The following MSI2 variants were observed in gnomAD, a reference collection of about 807,000 sequenced individuals.
The protein encoded by MSI2 is RNA-binding protein Musashi homolog 2.
A neutral mutation model predicts 45.6 loss-of-function variants in MSI2; 17 were observed. That is an observed-to-expected ratio of 0.37 (90% CI 0.26 to 0.56). The LOEUF (loss-of-function observed/expected upper bound fraction) is 0.56. MSI2 is among the 20% of genes least tolerant of loss of function. The pLI, the probability that MSI2 is intolerant of heterozygous loss-of-function variation, is 0.77. For missense variants in MSI2, 293 were observed against 444.2 expected (o/e 0.66, Z 3.06); for synonymous variants, 156 against 158.2 (o/e 0.99, Z 0.11).
At chr17:57,677,768 T>C (rs1213264497) in intron 13 of MSI2, among the ~76,000 whole-genome samples, 1 of 152,122 alleles carries the variant, frequency 6.6e-6, no homozygotes, top group Non-Finnish European at 1.5e-5. Flanking sequence ...TTCAATCACT[T>C]TGATGGGGAT....
At chr17:57,304,552 A>G (rs922072822) in intron 5 of MSI2, among the ~76,000 whole-genome samples, 3 of 150,530 alleles carry the variant, frequency 2.0e-5, no homozygotes, top group African/African-American at 7.3e-5. Flanking sequence ...CCTCCCGAGT[A>G]GCTGGGACTA....
intron 8 of MSI2, among the ~76,000 whole-genome samples, chr17:57,597,855 C>T (rs1905410653): frequency 6.6e-6 from 1 of 152,190 alleles, no homozygotes; most frequent in Admixed American, 6.5e-5. Flanking sequence ...CCTCCCTTGC[C>T]ATCAATTAAT....
Position 57,314,232 on chromosome 17 carries a change from C to A in MSI2, c.312+52040C>A, listed in dbSNP as rs142002550. On this transcript the variant is annotated intron_variant, in intron 5 of 13. Coordinates refer to ENST00000284073, the MANE Select transcript of MSI2 (RefSeq NM_138962.4). ...TTGGATTAGGGCCCACCCTAATGAT[C>A]CTATTTTAATTTAATTACCTCTGTC... 4.8e-3 allele frequency among the ~76,000 whole-genome samples: 730 copies of A among 152,196 alleles called. 5 individuals carry two copies. The highest frequency in any genetic ancestry group is 7.2e-3 in the Non-Finnish European group (491 of 68,010).
rs1242815685 is a variant in MSI2, at chr17:57,280,302, C to G, written c.312+18110C>G. The stretch of plus-strand genomic sequence containing the variant: ...TCAGGTTTGCGTTTTGAAAATATCT[C>G]TCTGACAGTCTACACGAAAAGTGGC... On this transcript the variant is annotated intron_variant, in intron 5 of 13. Coordinates refer to ENST00000284073, the MANE Select transcript of MSI2 (RefSeq NM_138962.4). The surrounding 1 kb of genome is among the most constrained non-coding windows in gnomAD (Gnocchi z 4.2). 1.3e-5 allele frequency among the ~76,000 whole-genome samples: 2 copies of G among 152,184 alleles called. No individual in the cohort carries two copies. The highest frequency in any genetic ancestry group is 4.8e-5 in the African/African-American group (2 of 41,428).
intron 10 of MSI2, among the ~76,000 whole-genome samples, chr17:57,647,366 T>C (rs1910754074): frequency 6.7e-6 from 1 of 150,180 alleles, no homozygotes; most frequent in Middle Eastern, 3.4e-3. Flanking sequence ...TGAGAATTGC[T>C]TGAACCCTGG....
intron 5 of MSI2, chr17:57,365,108 C>T (rs1488500628): frequency 2.6e-5 from 4 of 152,198 alleles, no homozygotes; most frequent in Non-Finnish European, 5.9e-5. Context: ...TATTTGCGAT[C>T]TCCAAACATC....
intron 7 of MSI2, among the ~76,000 whole-genome samples, chr17:57,568,759 G>A (rs2087800691): frequency 2.0e-5 from 3 of 152,368 alleles, no homozygotes; most frequent in Non-Finnish European, 4.4e-5. Flanking sequence ...TTCAACCAAA[G>A]GAGGGGAGTA....
At chr17:57,459,843 A>C (rs1255045238) in intron 6 of MSI2, among the ~76,000 whole-genome samples, 1 of 151,942 alleles carries the variant, frequency 6.6e-6, no homozygotes, top group Non-Finnish European at 1.5e-5. Flanking sequence ...AAAATTAAAA[A>C]ATTAGCCGGG....
At chr17:57,639,216 A>G (rs561534909) in intron 10 of MSI2, among the ~76,000 whole-genome samples, 6 of 152,226 alleles carry the variant, frequency 3.9e-5, no homozygotes, top group African/African-American at 1.2e-4. Context: ...CATTCAGACC[A>G]TAGCGGGCAA....
chr17:57,595,881 C>G (rs7217993), intron 7 of MSI2, among the ~76,000 whole-genome samples: 52,736 of 152,120 alleles, frequency 0.35, 9,373 homozygotes, highest in Admixed American at 0.39. Context: ...TCAGAGAGGG[C>G]AAGGGGCTCC....
Position 57,681,911 on chromosome 17 carries a change from T to C in MSI2, c.*2394T>C, listed in dbSNP as rs1380769690. The C allele has an allele frequency of 4.8e-6, 1 of 208,596 alleles. No individual in the cohort carries two copies. The allele number at this position is 208,596 out of a possible 1,614,324, so 12.9% of individuals were successfully genotyped here. A position where few individuals can be genotyped will look rare whatever the true frequency, so the allele number is the denominator to read the frequency against. On this transcript the variant is annotated 3_prime_UTR_variant, in exon 14 of 14. Coordinates refer to ENST00000284073, the MANE Select transcript of MSI2 (RefSeq NM_138962.4). Reference sequence around the variant, plus strand: ...ATTCCTATTTTGTCCATGTTGGTGATGTACTGTACTTCCCTTCCTTTTCTC... The same window carrying C: ...ATTCCTATTTTGTCCATGTTGGTGACGTACTGTACTTCCCTTCCTTTTCTC...
At chr17:57,667,714 C>T (rs1217677570) in intron 11 of MSI2, among the ~76,000 whole-genome samples, 1 of 152,218 alleles carries the variant, frequency 6.6e-6, no homozygotes, top group Non-Finnish European at 1.5e-5. Flanking sequence ...AGCCTGGTTT[C>T]TCTGGCCACA....
intron 11 of MSI2, among the ~76,000 whole-genome samples, chr17:57,673,631 A>T (rs1383802502): frequency 6.6e-6 from 1 of 152,216 alleles, no homozygotes; most frequent in Non-Finnish European, 1.5e-5. Flanking sequence ...TAAACTACTA[A>T]GGAGAAATAA....
chr17:57,376,951 C>T lies in MSI2; in HGVS notation c.313-24428C>T, dbSNP rs544893306. Among the ~76,000 whole-genome samples, 34 of 142,186 alleles carry T rather than the reference C, an allele frequency of 2.4e-4. 2 individuals are homozygous for T. In the South Asian group the frequency reaches 7.8e-3, roughly 33 times the overall value. 93.3% of individuals were successfully genotyped at this position (142,186 alleles called of 152,430 possible). A position where few individuals can be genotyped will look rare whatever the true frequency, so the allele number is the denominator to read the frequency against. Reference sequence around the variant, plus strand: ...TTTTTTTTTTTTTGAGACGGAGTCTCGCTCTGTCCCCCAGGCTGGAGGGCA... The same window carrying T: ...TTTTTTTTTTTTTGAGACGGAGTCTTGCTCTGTCCCCCAGGCTGGAGGGCA... On this transcript the variant is annotated intron_variant, in intron 5 of 13. Coordinates refer to ENST00000284073, the MANE Select transcript of MSI2 (RefSeq NM_138962.4).
chr17:57,318,225 G>A (rs553907211), intron 5 of MSI2, among the ~76,000 whole-genome samples: 18 of 152,198 alleles, frequency 1.2e-4, no homozygotes, highest in South Asian at 8.3e-4. Flanking sequence ...AGGTGGGCAG[G>A]TGTGAGCATG....
chr17:57,394,785 C>G (rs936529017), intron 5 of MSI2, among the ~76,000 whole-genome samples: 1 of 152,184 alleles, frequency 6.6e-6, no homozygotes, highest in Non-Finnish European at 1.5e-5. Context: ...CCTCTTCCCC[C>G]ATAATTGATA....
intron 7 of MSI2, among the ~76,000 whole-genome samples, chr17:57,593,184 C>T (rs1279485268): frequency 1.3e-5 from 2 of 152,148 alleles, no homozygotes; most frequent in Non-Finnish European, 2.9e-5. Context: ...CATGATTGGC[C>T]AAGTCAGCAG....
rs1907663660 is a variant in MSI2 at position 57,616,124 on chromosome 17, G to A, written c.652+40G>A. The A allele has an allele frequency of 4.0e-6, 6 of 1,515,648 alleles. No individual in the cohort carries two copies. In the African/African-American group the frequency reaches 4.1e-5, roughly 10 times the overall value. 93.9% of individuals were successfully genotyped at this position (1,515,648 alleles called of 1,614,324 possible). A position where few individuals can be genotyped will look rare whatever the true frequency, so the allele number is the denominator to read the frequency against. ...GACCGCAGGTCACCATGGACTGGGA[G>A]GGCTATGGAGGCCTCTACTCCCAAC... On this transcript the variant is annotated intron_variant, in intron 9 of 13. Transcript: ENST00000284073.
At chr17:57,700,732 A>G in the MSI2 span, among the ~76,000 whole-genome samples, 1 of 152,032 alleles carries the variant, frequency 6.6e-6, no homozygotes, top group African/African-American at 2.4e-5. Flanking sequence ...GTGAAACCCC[A>G]TCTCTACTAA....
Sources: gnomAD v4.1 joint callset for allele counts (sites outside exome capture counted in the v4.1 genomes callset) on GRCh38, gnomAD v4.1.1 for gene constraint, Gnocchi (gnomAD v3.1) non-coding constraint, MANE v1.5 for transcripts, NCBI Gene and HGNC (gene_info 2026-07-23, HGNC 2026-07-21) for gene names.